The following CEP128 variants were observed in gnomAD, a reference collection of about 807,000 sequenced individuals.
CEP128 encodes centrosomal protein 128, also known as centrosomal protein 128kDa.
Under a neutral mutation model 156.7 loss-of-function variants are expected in CEP128, and 132 were observed. The ratio of observed to expected loss-of-function variants is 0.84; its 90% confidence interval spans 0.73 to 0.97. CEP128 has a LOEUF of 0.97. Ranked by LOEUF, CEP128 falls within the 50% of genes least tolerant of loss-of-function variation. The pLI is 0.00. For synonymous variants in CEP128, 469 were observed against 448.9 expected (o/e 1.04, Z -0.57); for missense variants, 1,252 against 1,281.9 (o/e 0.98, Z 0.36).
chr14:80,920,979 T>G (rs892643159), intron 2 of CEP128, among the ~76,000 whole-genome samples: 1 of 152,136 alleles, frequency 6.6e-6, no homozygotes, highest in African/African-American at 2.4e-5. Context: ...ACAAGAATAT[T>G]TACTGTAATA....
At chr14:80,734,646 G>A (rs1333248095) in intron 19 of CEP128, among the ~76,000 whole-genome samples, 3 of 151,476 alleles carry the variant, frequency 2.0e-5, no homozygotes, top group Admixed American at 1.3e-4. Flanking sequence ...TCAAGAGATC[G>A]AGACCATCCT....
At chr14:80,514,987 G>C (rs1888423518) in intron 23 of CEP128, among the ~76,000 whole-genome samples, 1 of 152,224 alleles carries the variant, frequency 6.6e-6, no homozygotes, top group African/African-American at 2.4e-5. Context: ...CAGACTCATA[G>C]AGGTATTGCG....
chr14:80,923,323 G>C (rs1011633753), intron 2 of CEP128, among the ~76,000 whole-genome samples: 6 of 152,156 alleles, frequency 3.9e-5, no homozygotes, highest in African/African-American at 1.4e-4. Context: ...GAGTAAAACT[G>C]AATTCAACCT....
chr14:80,946,681 A>G (rs934274993), upstream of CEP128, among the ~76,000 whole-genome samples: 4 of 152,172 alleles, frequency 2.6e-5, no homozygotes, highest in East Asian at 7.7e-4. Flanking sequence ...GACAACTATT[A>G]TGTAAGAAGC....
chr14:80,730,799 G>C (rs558753213), intron 19 of CEP128, among the ~76,000 whole-genome samples: 236 of 152,260 alleles, frequency 1.5e-3, no homozygotes, highest in African/African-American at 5.5e-3. Context: ...TCATAGTGGA[G>C]GCACAAGAAA....
At chr14:80,535,312 T>C (rs944089540) in intron 21 of CEP128, among the ~76,000 whole-genome samples, 3 of 152,220 alleles carry the variant, frequency 2.0e-5, no homozygotes, top group Non-Finnish European at 4.4e-5. Context: ...GCAGTCTGAA[T>C]GCAGAAATGG....
At chr14:80,739,618 A>C (rs1337915486) in intron 19 of CEP128, among the ~76,000 whole-genome samples, 1 of 152,138 alleles carries the variant, frequency 6.6e-6, no homozygotes, top group Non-Finnish European at 1.5e-5. Flanking sequence ...AGACTATTTT[A>C]GACACAAAGT....
intron 1 of CEP128, among the ~76,000 whole-genome samples, chr14:80,940,836 G>T (rs1325586195): frequency 8.5e-5 from 13 of 152,056 alleles, no homozygotes; most frequent in Non-Finnish European, 1.9e-4. Context: ...GGCTCACACT[G>T]TATTTGTATT....
chr14:80,695,804 G>T (rs1012825112), intron 19 of CEP128, among the ~76,000 whole-genome samples: 1 of 151,814 alleles, frequency 6.6e-6, no homozygotes, highest in Non-Finnish European at 1.5e-5. Context: ...GAAAGTAGCA[G>T]TATTAATAGA....
intron 13 of CEP128, among the ~76,000 whole-genome samples, chr14:80,814,516 A>G (rs994346054): frequency 3.9e-5 from 6 of 152,274 alleles, no homozygotes; most frequent in African/African-American, 1.4e-4. Flanking sequence ...AAAAGAAAAA[A>G]TAATGTATTG....
chr14:80,946,308 TTGATGCCTCATGATGCATCATGA>T (rs67406214), upstream of CEP128, among the ~76,000 whole-genome samples: 39,256 of 127,382 alleles, frequency 0.31, 6,585 homozygotes, highest in East Asian at 0.43. Flanking sequence ...TATTAATACC[TTGATGCCTCATGATGCATCATGA>T]TGATGCCTCA....
chr14:80,852,490 T>C (rs570308751), intron 9 of CEP128, among the ~76,000 whole-genome samples: 1 of 151,810 alleles, frequency 6.6e-6, no homozygotes, highest in Non-Finnish European at 1.5e-5. Context: ...AGAATAATCC[T>C]TTAAATGAAG....
chr14:80,902,815 C>G (rs1883654574), intron 6 of CEP128, among the ~76,000 whole-genome samples: 1 of 152,070 alleles, frequency 6.6e-6, no homozygotes, highest in South Asian at 2.1e-4. Flanking sequence ...CTAAACCAAA[C>G]TTAGTAAAAT....
rs183898823 is a variant in CEP128 at position 80,662,282 on chromosome 14, G to A, written c.2806+80793C>T. On this transcript the variant is annotated intron_variant, in intron 19 of 24. Coordinates refer to ENST00000555265, the MANE Select transcript of CEP128 (RefSeq NM_152446.5). The stretch of plus-strand genomic sequence containing the variant: ...TGGCAAATCTGCTTGTTTCTGTTTA[G>A]AATAGAAAATATTAAGCACACTTTT... Among the ~76,000 whole-genome samples, 653 of 152,218 alleles carry A rather than the reference G, an allele frequency of 4.3e-3. 3 individuals are homozygous for A. The highest frequency in any genetic ancestry group is 0.015 in the African/African-American group (628 of 41,538).
chr14:80,944,822 C>CAAAAAAAAAAAAAAAAAAAAAAAAA (rs55662141), upstream of CEP128, among the ~76,000 whole-genome samples: 26 of 34,652 alleles, frequency 7.5e-4, no homozygotes, highest in Admixed American at 1.3e-3. Context: ...GAGTCTGTCT[C>CAAAAAAAAAAAAAAAAAAAAAAAAA]AAAAAAAAAA....
At chr14:80,656,291 T>TTATATATATATA (rs1159139132) in intron 19 of CEP128, among the ~76,000 whole-genome samples, 3 of 25,690 alleles carry the variant, frequency 1.2e-4, no homozygotes, top group Non-Finnish European at 2.0e-4. Flanking sequence ...ATATATATAT[T>TTATATATATATA]TATATATATA....
chr14:80,522,452 C>T (rs1319550613), intron 23 of CEP128, among the ~76,000 whole-genome samples: 1 of 152,190 alleles, frequency 6.6e-6, no homozygotes, highest in Non-Finnish European at 1.5e-5. Context: ...AATGCTTCCT[C>T]ACCTACCTCA....
intron 14 of CEP128, among the ~76,000 whole-genome samples, chr14:80,788,735 TCTC>T (rs553525542): frequency 3.2e-4 from 49 of 152,180 alleles, no homozygotes; most frequent in Non-Finnish European, 5.9e-4. Context: ...TTACCCTACT[TCTC>T]CTCTCGGTCA....
At chr14:80,635,722 C>T (rs1894153522) in intron 19 of CEP128, among the ~76,000 whole-genome samples, 1 of 152,166 alleles carries the variant, frequency 6.6e-6, no homozygotes, top group African/African-American at 2.4e-5. Flanking sequence ...TGTTAGTTTC[C>T]TCCTAAAGGT....
Sources: gnomAD v4.1 joint callset for allele counts (sites outside exome capture counted in the v4.1 genomes callset) on GRCh38, gnomAD v4.1.1 for gene constraint, MANE v1.5 for transcripts, NCBI Gene and HGNC (gene_info 2026-07-23, HGNC 2026-07-21) for gene names.